Variants in VAV2 observed in about 807,000 individuals in gnomAD.
VAV2 encodes guanine nucleotide exchange factor VAV2.
In VAV2, 67 loss-of-function variants were observed where a neutral mutation model predicts 132.5. The ratio of observed to expected loss-of-function variants is 0.51; its 90% CI spans 0.42 to 0.62. The LOEUF is 0.62. VAV2 is among the 20% of genes least tolerant of loss of function. The probability of loss-of-function intolerance (pLI) is 0.00; values close to 1 mark genes in which losing one functional copy is unlikely to be tolerated. For synonymous variants in VAV2, 492 were observed against 443.5 expected, an observed-to-expected ratio of 1.11 and a Z score of -1.37; for missense variants, 938 against 1,153.6, an observed-to-expected ratio of 0.81 and a Z score of 2.71.
chr9:133,934,346 C>T (rs1018711002), intron 2 of VAV2, among the ~76,000 whole-genome samples: 2 of 152,136 alleles, frequency 1.3e-5, no homozygotes, highest in African/African-American at 4.8e-5. Flanking sequence ...GAGACACCAG[C>T]CAGCTGTGAT....
intron 2 of VAV2, among the ~76,000 whole-genome samples, chr9:133,894,362 G>A (rs1839110660): frequency 6.6e-6 from 1 of 152,232 alleles, no homozygotes; most frequent in South Asian, 2.1e-4. Context: ...ACAAAGGCTG[G>A]TGACAGGAGA....
intron 22 of VAV2, 86 bp downstream of exon 22, chr9:133,778,676 A>G: frequency 6.5e-7 from 1 of 1,538,722 alleles, no homozygotes; most frequent in Non-Finnish European, 8.7e-7. Flanking sequence ...CTGCCTGGGG[A>G]TGTGCAGGAC....
At chr9:133,960,037 C>A (rs1027083726) in intron 1 of VAV2, among the ~76,000 whole-genome samples, 1 of 152,196 alleles carries the variant, frequency 6.6e-6, no homozygotes, top group Non-Finnish European at 1.5e-5. Context: ...AACACGGGTG[C>A]CCCCAAACCT....
chr9:133,809,271 G>A (rs1835272582), intron 6 of VAV2, 133 bp from the exon 7 acceptor site: 3 of 673,236 alleles, frequency 4.5e-6, no homozygotes, highest in Admixed American at 2.7e-5. Flanking sequence ...CACTGAGTGT[G>A]CAGTGCTGCA....
At chr9:133,850,231 C>T (rs772950052) in intron 3 of VAV2, among the ~76,000 whole-genome samples, 2 of 152,204 alleles carry the variant, frequency 1.3e-5, no homozygotes, top group Non-Finnish European at 2.9e-5. Flanking sequence ...GGGCCTCGAA[C>T]CCAAGTCTCT....
At chr9:133,806,871 T>C (rs2131685695) in intron 8 of VAV2, among the ~76,000 whole-genome samples, 1 of 152,300 alleles carries the variant, frequency 6.6e-6, no homozygotes, top group East Asian at 1.9e-4. Flanking sequence ...TAGGTGACTC[T>C]TTGCATGGGG....
At chr9:133,816,613 G>A (rs146962064) in intron 4 of VAV2, among the ~76,000 whole-genome samples, 37 of 152,284 alleles carry the variant, frequency 2.4e-4, no homozygotes, top group Admixed American at 1.3e-3. Context: ...CATGCCTGTC[G>A]TCCCAGCTAC....
In VAV2 at chr9:133,991,663, G is replaced by A. The variant is rs555121219; in HGVS notation, c.204+412C>T. On this transcript the variant is annotated intron_variant, in intron 1 of 29. Coordinates refer to ENST00000371850, the MANE Select transcript of VAV2 (RefSeq NM_001134398.2). The surrounding 1 kb of genome is among the most constrained non-coding windows in gnomAD (Gnocchi z 4.8). ...CAGCGACCGCGCCCGCTCTTCCACCGGCGTCCGGCCAGGAGGCGCGAGGCC... is the reference window on the plus strand; with the variant it reads ...CAGCGACCGCGCCCGCTCTTCCACCAGCGTCCGGCCAGGAGGCGCGAGGCC... Among the ~76,000 whole-genome samples, 2 of 151,394 alleles carry A rather than the reference G, an allele frequency of 1.3e-5. No individual in the cohort carries two copies. Among genetic ancestry groups the A allele is most frequent in the South Asian group, 2.1e-4 (1 of 4,824 alleles).
chr9:133,984,617 A>C (rs1438371227), intron 1 of VAV2, among the ~76,000 whole-genome samples: 2 of 152,086 alleles, frequency 1.3e-5, no homozygotes, highest in African/African-American at 4.8e-5. Flanking sequence ...TGTCTCTAAA[A>C]ATAATTCATA....
At chr9:133,882,223 T>C (rs971972146) in intron 2 of VAV2, among the ~76,000 whole-genome samples, 65 of 152,282 alleles carry the variant, frequency 4.3e-4, no homozygotes, top group African/African-American at 1.5e-3. Context: ...GCAAAGAACA[T>C]GCTGGGTCCA....
rs578028988 is a variant in VAV2, at chr9:133,826,359, C to T, written c.449+7913G>A. Among the ~76,000 whole-genome samples, 6 of 152,346 alleles carry T rather than the reference C, an allele frequency of 3.9e-5. No individual in the cohort carries two copies. Among genetic ancestry groups the T allele is most frequent in the East Asian group, 3.9e-4 (2 of 5,184 alleles). On this transcript the variant is annotated intron_variant, in intron 4 of 29. Coordinates refer to ENST00000371850, the MANE Select transcript of VAV2 (RefSeq NM_001134398.2). This position sits in a 1 kb window ranked among gnomAD's most constrained non-coding sequence, Gnocchi z 4.2. Reference sequence around the variant, plus strand: ...GCCCTGGCCCCAGAATCTCCCTCCCCGCTCGCACTCAGGGGCAGCTCTCCC... The same window carrying T: ...GCCCTGGCCCCAGAATCTCCCTCCCTGCTCGCACTCAGGGGCAGCTCTCCC...
Position 133,987,065 on chromosome 9 carries a change from A to G in VAV2, c.204+5010T>C, listed in dbSNP as rs1472163719. On this transcript the variant is annotated intron_variant, in intron 1 of 29. Transcript: ENST00000371850. Reference sequence around the variant, plus strand: ...TATTTATTTATTATTTCTCGAATGAAGGCACAAGGTTCTGAGGGACCCAGA... The same window carrying G: ...TATTTATTTATTATTTCTCGAATGAGGGCACAAGGTTCTGAGGGACCCAGA... 2.0e-5 allele frequency among the ~76,000 whole-genome samples: 3 copies of G among 151,770 alleles called. No individual in the cohort carries two copies. The East Asian group carries it at 5.8e-4, about 29-fold the overall frequency.
intron 19 of VAV2, among the ~76,000 whole-genome samples, chr9:133,782,593 A>G (rs951535755): frequency 1.3e-5 from 2 of 152,244 alleles, no homozygotes; most frequent in African/African-American, 4.8e-5. Flanking sequence ...ATTCTGGGCA[A>G]TGGCGTCTCT....
chr9:133,814,819 C>T (rs1835495951), intron 4 of VAV2, among the ~76,000 whole-genome samples: 1 of 152,174 alleles, frequency 6.6e-6, no homozygotes. Context: ...TCCTCTCCCC[C>T]AGGAGCCCCA....
At chr9:133,790,035 G>A (rs1365911833) in intron 13 of VAV2, among the ~76,000 whole-genome samples, 3 of 152,182 alleles carry the variant, frequency 2.0e-5, no homozygotes, top group African/African-American at 7.2e-5. Context: ...CAGCTTTGGT[G>A]TCACATAGTC....
At chr9:133,782,164 G>A (rs929843830) in intron 19 of VAV2, among the ~76,000 whole-genome samples, 3 of 152,178 alleles carry the variant, frequency 2.0e-5, no homozygotes, top group African/African-American at 7.2e-5. Flanking sequence ...GAAATATACC[G>A]AAACATTGCC....
intron 2 of VAV2, among the ~76,000 whole-genome samples, chr9:133,892,147 G>T (rs1839002960): frequency 8.3e-6 from 1 of 120,434 alleles, no homozygotes; most frequent in Non-Finnish European, 1.7e-5. Context: ...CGGGGTGGGG[G>T]ATGATGGAAC....
chr9:133,791,811 C>T lies in VAV2; in HGVS notation c.1160G>A (p.Ser387Asn). 2 of 1,614,194 alleles carry T rather than the reference C, an allele frequency of 1.2e-6. No individual in the cohort carries two copies. Among genetic ancestry groups the T allele is most frequent in the Non-Finnish European group, 1.7e-6 (2 of 1,180,046 alleles). Residue 387 changes from serine to asparagine, a missense_variant, in exon 13 of 30, where the codon AGC (serine) becomes AAC (asparagine). Ser to Asn is a conservative substitution (Grantham distance 46, BLOSUM62 1). Transcript: ENST00000371850. The stretch of plus-strand genomic sequence containing the variant: ...ATTTTCTATAGAACTCTGAAATTCG[C>T]TGATTTTCCTCAAGGTCTCCTTGTC... ...KRDKETLRKI[S>N]EFQSSIENLQ... is the part of the protein sequence containing the mutation.
At chr9:133,870,784 T>TGTGGGTGGATAAGTGG (rs1837995654) in intron 2 of VAV2, among the ~76,000 whole-genome samples, 2 of 122,774 alleles carry the variant, frequency 1.6e-5, no homozygotes, top group Non-Finnish European at 3.4e-5. Context: ...TAAGTGGGTA[T>TGTGGGTGGATAAGTGG]GTGGGTGGAT....
Sources: gnomAD v4.1 joint callset for allele counts (sites outside exome capture counted in the v4.1 genomes callset) on GRCh38, gnomAD v4.1.1 for gene constraint, Gnocchi (gnomAD v3.1) non-coding constraint, MANE v1.5 for transcripts, NCBI Gene and HGNC (gene_info 2026-07-23, HGNC 2026-07-21) for gene names.